The following ZNF667 variants were observed in gnomAD, a reference collection of about 807,000 sequenced individuals.
ZNF667 encodes zinc finger protein 667, also known as myocardial ischemic preconditioning upregulated 1 ortholog.
In ZNF667, 13 loss-of-function variants were observed where a neutral mutation model predicts 31.8. The ratio of observed to expected loss-of-function variants is 0.41; its 90% CI spans 0.27 to 0.65. ZNF667 has a LOEUF of 0.65. Among genes scored for constraint, ZNF667 ranks in the 30% least tolerant of loss-of-function variants. The pLI is 0.32. For synonymous variants in ZNF667, 228 were observed against 247.1 expected, an observed-to-expected ratio of 0.92 and a Z score of 0.73; for missense variants, 642 against 725.6, an observed-to-expected ratio of 0.88 and a Z score of 1.32.
intron 6 of ZNF667, among the ~76,000 whole-genome samples, chr19:56,444,541 G>T (rs2042685752): frequency 6.9e-6 from 1 of 144,254 alleles, no homozygotes; most frequent in African/African-American, 2.6e-5. Flanking sequence ...CCACCCCCAT[G>T]ATCCAATCAC....
intron 3 of ZNF667, chr19:56,466,987 A>G: frequency 2.2e-6 from 1 of 456,378 alleles, no homozygotes; most frequent in Non-Finnish European, 4.4e-6. Flanking sequence ...TCTGTGACTC[A>G]CCTTGAATTC....
intron 6 of ZNF667, among the ~76,000 whole-genome samples, chr19:56,455,332 C>T (rs2042909910): frequency 1.3e-5 from 2 of 151,930 alleles, no homozygotes; most frequent in Admixed American, 1.3e-4. Flanking sequence ...ATATACCCCC[C>T]CAAAAAAATA....
chr19:56,439,570 T>A lies in ZNF667; in HGVS notation c.*1592A>T, dbSNP rs1600390690. The A allele has an allele frequency of 6.6e-6, 1 of 152,358 alleles. No homozygotes were observed. Among genetic ancestry groups the A allele is most frequent in the East Asian group, 1.9e-4 (1 of 5,166 alleles). 9.4% of individuals were successfully genotyped at this position (152,358 alleles called of 1,614,324 possible). On this transcript the variant is annotated 3_prime_UTR_variant, in exon 7 of 7. Transcript: ENST00000504904. Reference sequence around the variant, plus strand: ...GAAGTCTGAGAACAGGTCGCCAGCATGGTTAGGTTCTCGTAGGGTTCTCTT... The same window carrying A: ...GAAGTCTGAGAACAGGTCGCCAGCAAGGTTAGGTTCTCGTAGGGTTCTCTT...
rs2042580644 is a variant in ZNF667 at position 56,440,555 on chromosome 19, C to T, written c.*607G>A. ...CTGTGACCTTAAATCAGGCTCAGAG[C>T]CCTATAATGGACTTCACAATTCTAT... On this transcript the variant is annotated 3_prime_UTR_variant, in exon 7 of 7. Coordinates refer to ENST00000504904, the MANE Select transcript of ZNF667 (RefSeq NM_001321356.2). The T allele has an allele frequency of 1.0e-6, 1 of 966,270 alleles. No individual in the cohort carries two copies. The highest frequency in any genetic ancestry group is 1.2e-6 in the Non-Finnish European group (1 of 812,574). 59.9% of individuals were successfully genotyped at this position (966,270 alleles called of 1,614,324 possible).
chr19:56,463,618 C>T (rs1034899270), intron 3 of ZNF667, among the ~76,000 whole-genome samples: 10 of 152,064 alleles, frequency 6.6e-5, no homozygotes, highest in African/African-American at 2.4e-4. Context: ...ACCTCAACCT[C>T]CCCGGCTCAA....
Position 56,442,510 on chromosome 19 carries a change from T to A in ZNF667, c.485A>T (p.His162Leu). Residue 162 changes from histidine (H) to leucine (L), a missense_variant, in exon 7 of 7, where the codon CAT becomes CTT. Physicochemically the swap from His to Leu is moderately conservative, Grantham distance 99. Transcript: ENST00000504904. ...TFSRSFSLKL[H>L]QNIHTGEKPF... Reference sequence around the variant, plus strand: ...CTTCTCTCCTGTATGAATGTTCTGATGAAGTTTAAGAGAGAAGCTTCGACT... The same window carrying A: ...CTTCTCTCCTGTATGAATGTTCTGAAGAAGTTTAAGAGAGAAGCTTCGACT... 6.2e-7 allele frequency: 1 copy of A among 1,613,684 alleles called. No individual in the cohort carries two copies. The highest frequency in any genetic ancestry group is 8.5e-7 in the Non-Finnish European group (1 of 1,179,802).
chr19:56,454,120 C>G (rs2042887705), intron 6 of ZNF667, among the ~76,000 whole-genome samples: 3 of 152,058 alleles, frequency 2.0e-5, no homozygotes, highest in Admixed American at 2.0e-4. Context: ...TAGGAATAAA[C>G]TTAACAAACA....
intron 5 of ZNF667, among the ~76,000 whole-genome samples, chr19:56,459,132 C>G (rs893425249): frequency 6.6e-6 from 1 of 152,158 alleles, no homozygotes; most frequent in Admixed American, 6.5e-5. Flanking sequence ...CTCCAAACAT[C>G]TGGTGTTAGA....
intron 6 of ZNF667, among the ~76,000 whole-genome samples, chr19:56,448,737 G>A (rs996822180): frequency 1.3e-5 from 2 of 152,072 alleles, no homozygotes; most frequent in Admixed American, 6.5e-5. Flanking sequence ...AAGGCAACTC[G>A]CTGCCCTAAA....
At chr19:56,455,245 T>C (rs968221158) in intron 6 of ZNF667, among the ~76,000 whole-genome samples, 3 of 152,158 alleles carry the variant, frequency 2.0e-5, no homozygotes, top group Non-Finnish European at 4.4e-5. Context: ...ACAGCCACTA[T>C]TGACAACAGT....
intron 1 of ZNF667, chr19:56,475,057 G>A (rs2043373448): frequency 6.6e-6 from 1 of 152,132 alleles, no homozygotes; most frequent in South Asian, 2.1e-4. Context: ...GTCCTTCCTG[G>A]CTCTGGAGTT....
intron 6 of ZNF667, among the ~76,000 whole-genome samples, chr19:56,449,852 T>A (rs2042783943): frequency 6.6e-6 from 1 of 151,620 alleles, no homozygotes; most frequent in South Asian, 2.1e-4. Context: ...AATTAAAGAA[T>A]GCATCAGAGT....
chr19:56,442,129 C>G lies in ZNF667; in HGVS notation c.866G>C (p.Gly289Ala). The change falls in exon 7 of 7, where the codon GGC (glycine) becomes GCC (alanine). Residue 289 changes from glycine (G) to alanine (A), a missense_variant. Coordinates refer to ENST00000504904, the MANE Select transcript of ZNF667 (RefSeq NM_001321356.2). ...KTHKYNKCGR[G>A]FKKKSVFVVH... ...AACAAAGACTGATTTCTTTTTGAAG[C>G]CTCTCCCACATTTATTATATTTATG... 1 of 1,612,978 alleles carries G rather than the reference C, an allele frequency of 6.2e-7. No individual in the cohort carries two copies. The highest frequency in any genetic ancestry group is 8.5e-7 in the Non-Finnish European group (1 of 1,179,680).
At chr19:56,470,619 G>A (rs756120553) in intron 3 of ZNF667, among the ~76,000 whole-genome samples, 4 of 152,146 alleles carry the variant, frequency 2.6e-5, no homozygotes, top group Non-Finnish European at 4.4e-5. Flanking sequence ...GCAGGGCACG[G>A]GAGGCATCGG....
rs1342030706 is a variant in ZNF667 at position 56,442,028 on chromosome 19, T to G, written c.967A>C (p.Ser323Arg). Residue 323 changes from serine to arginine, a missense_variant, in exon 7 of 7, where the codon AGT (serine) becomes CGT (arginine). Ser to Arg is a moderately radical substitution (Grantham distance 110, BLOSUM62 -1). Transcript: ENST00000504904. ...KALSQSLQQR[S>R]HHLENPFKCR... ...TTAAAAGGATTCTCTAAATGGTGAC[T>G]TCTTTGCTGTAGACTCTGACTTAAG... 3.7e-6 allele frequency: 6 copies of G among 1,614,052 alleles called. No homozygotes were observed. In the African/African-American group the frequency reaches 5.3e-5, roughly 14 times the overall value.
At position 56,470,310 on chromosome 19, in the gene ZNF667, G is replaced by A. The variant is rs3760847; in HGVS notation, c.-60+1389C>T. Among the ~76,000 whole-genome samples, 48 of 152,344 alleles carry A rather than the reference G, an allele frequency of 3.2e-4. No individual in the cohort carries two copies. The East Asian group carries it at 8.7e-3, about 28-fold the overall frequency. ...TCCTTAGCCCACATGCTCTATGCAC[G>A]TGCTCAGGTGTGTGTGCTGAATGTG... On this transcript the variant is annotated intron_variant, in intron 3 of 6. Coordinates refer to ENST00000504904, the MANE Select transcript of ZNF667 (RefSeq NM_001321356.2).
chr19:56,469,844 A>C, intron 3 of ZNF667: 1 of 438,208 alleles, frequency 2.3e-6, no homozygotes, highest in Non-Finnish European at 4.6e-6. Flanking sequence ...TTGCTAACTG[A>C]ATGACTGAAT....
At chr19:56,449,314 TA>T in intron 6 of ZNF667, 1 of 425,006 alleles carries the variant, frequency 2.4e-6, no homozygotes, top group Non-Finnish European at 4.7e-6. Context: ...CCAAATGAAC[TA>T]AATAAGGCAA....
At chr19:56,462,486 C>A in intron 3 of ZNF667, 57 bp from the exon 4 acceptor site, 1 of 1,038,230 alleles carries the variant, frequency 9.6e-7, no homozygotes, top group Non-Finnish European at 1.5e-6. Flanking sequence ...CCCTACCTAA[C>A]CTGGAGACAC....
Sources: allele counts gnomAD v4.1 joint callset (sites outside exome capture counted in the v4.1 genomes callset), GRCh38; gene constraint gnomAD v4.1.1; transcripts MANE v1.5; gene names NCBI Gene and HGNC (gene_info 2026-07-23, HGNC 2026-07-21).